RLF: variants seen among roughly 807,000 people sequenced by gnomAD.
RLF encodes the protein RLF zinc finger.
Under a neutral mutation model 162.9 loss-of-function variants are expected in RLF, and 7 were observed. The ratio of observed to expected loss-of-function variants is 0.04; its 90% CI spans 0.02 to 0.08. The LOEUF is 0.08. Among genes scored for constraint, RLF ranks in the 10% least tolerant of loss-of-function variants. The pLI is 1.00. For missense variants in RLF, 1,664 were observed against 2,244.7 expected, an observed-to-expected ratio of 0.74 and a Z score of 5.23; for synonymous variants, 782 against 791.5, an observed-to-expected ratio of 0.99 and a Z score of 0.20.
chr1:40,220,434 C>T (rs1375095229), intron 5 of RLF, among the ~76,000 whole-genome samples: 1 of 152,148 alleles, frequency 6.6e-6, no homozygotes, highest in Non-Finnish European at 1.5e-5. Flanking sequence ...ATGGCTTATT[C>T]CTACTCATTC....
intron 5 of RLF, among the ~76,000 whole-genome samples, chr1:40,218,254 C>T (rs185037360): frequency 2.0e-5 from 3 of 152,186 alleles, no homozygotes; most frequent in Non-Finnish European, 4.4e-5. Context: ...TCTAACTCCA[C>T]CTTCATATGG....
chr1:40,211,162 C>T (rs566606990), intron 5 of RLF, among the ~76,000 whole-genome samples: 3 of 152,180 alleles, frequency 2.0e-5, no homozygotes, highest in South Asian at 2.1e-4. Flanking sequence ...TGTCCTTGTA[C>T]GAAAAATATT....
rs184918148 is a variant in RLF at position 40,163,049 on chromosome 1, G to A, written c.237+1413G>A. On this transcript the variant is annotated intron_variant, in intron 1 of 7. Coordinates refer to ENST00000372771, the MANE Select transcript of RLF (RefSeq NM_012421.4). ...GGTTTTGGTAATGATGGAAAAGGAG[G>A]TGTTGTAGAGACAATGGTGAGGAGA... Among the ~76,000 whole-genome samples the A allele has an allele frequency of 2.0e-3, 311 of 152,300 alleles. 2 individuals carry two copies. The highest frequency in any genetic ancestry group is 7.2e-3 in the African/African-American group (299 of 41,558).
chr1:40,167,178 A>G (rs1328598305), intron 1 of RLF, among the ~76,000 whole-genome samples: 2 of 152,198 alleles, frequency 1.3e-5, no homozygotes, highest in East Asian at 1.9e-4. Context: ...ATTGAGGAAG[A>G]GTAGTCACCT....
chr1:40,167,266 T>C (rs1642180444), intron 1 of RLF, among the ~76,000 whole-genome samples: 1 of 152,230 alleles, frequency 6.6e-6, no homozygotes, highest in Non-Finnish European at 1.5e-5. Flanking sequence ...ATGAAGGCTC[T>C]TGAGCCTTAC....
At chr1:40,224,332 G>A (rs1458232220) in intron 6 of RLF, among the ~76,000 whole-genome samples, 6 of 137,726 alleles carry the variant, frequency 4.4e-5, no homozygotes, top group Non-Finnish European at 9.2e-5. Flanking sequence ...TTTTTGAGAC[G>A]AAGTCTTGCT....
chr1:40,176,043 T>G (rs1642321261), intron 1 of RLF, among the ~76,000 whole-genome samples: 1 of 152,186 alleles, frequency 6.6e-6, no homozygotes, highest in African/African-American at 2.4e-5. Flanking sequence ...TTGGTGTCTC[T>G]GTATAATTAT....
rs1440618194 is a variant in RLF, at chr1:40,161,950, CCT to C, written c.237+315_237+316del. Among the ~76,000 whole-genome samples, 1 of 152,188 alleles carries C rather than the reference CCT, an allele frequency of 6.6e-6. No individual in the cohort carries two copies. Among genetic ancestry groups the C allele is most frequent in the Non-Finnish European group, 1.5e-5 (1 of 68,040 alleles). On this transcript the variant is annotated intron_variant, in intron 1 of 7. Transcript: ENST00000372771. This position sits in a 1 kb window ranked among gnomAD's most constrained non-coding sequence, Gnocchi z 4.4. ...CCGGGTGGTTGGAGCGCCACTGCCC[CCT>C]GAGGGATTGATTGCTTGTCCCTGCC...
chr1:40,204,959 C>T (rs1239182234), intron 5 of RLF, among the ~76,000 whole-genome samples: 1 of 152,188 alleles, frequency 6.6e-6, no homozygotes, highest in Admixed American at 6.5e-5. Context: ...TACATCTTCT[C>T]TTCTGTTACT....
intron 5 of RLF, among the ~76,000 whole-genome samples, chr1:40,222,159 A>G (rs774864424): frequency 2.0e-5 from 3 of 152,084 alleles, no homozygotes; most frequent in Non-Finnish European, 4.4e-5. Context: ...CCCCACTGAT[A>G]TTGAGGATAA....
chr1:40,171,010 TTTTGTTTG>T (rs138268620), intron 1 of RLF, among the ~76,000 whole-genome samples: 28,294 of 151,306 alleles, frequency 0.19, 2,745 homozygotes, highest in Non-Finnish European at 0.21. Context: ...TTGATAGTGT[TTTTGTTTG>T]TTTGTTTGTT....
intron 7 of RLF, 111 bp downstream of exon 7, chr1:40,231,769 A>G (rs1002964700): frequency 2.0e-6 from 2 of 1,016,064 alleles, no homozygotes; most frequent in African/African-American, 1.6e-5. Context: ...ATGAGTTTTA[A>G]TAAGATTAAT....
intron 3 of RLF, among the ~76,000 whole-genome samples, chr1:40,191,144 C>T (rs755572929): frequency 3.3e-5 from 5 of 152,124 alleles, no homozygotes; most frequent in Admixed American, 6.5e-5. Context: ...TATAAAGTAA[C>T]AGTATTTGGA....
intron 1 of RLF, among the ~76,000 whole-genome samples, chr1:40,173,073 G>GTTTTT (rs765020752): frequency 7.8e-6 from 1 of 128,998 alleles, no homozygotes; most frequent in Non-Finnish European, 1.6e-5. Flanking sequence ...TAACATTCAG[G>GTTTTT]TTTTTTTTTT....
intron 1 of RLF, among the ~76,000 whole-genome samples, chr1:40,170,173 A>C (rs1642222627): frequency 6.6e-6 from 1 of 152,100 alleles, no homozygotes. Context: ...AGAGGTGAAG[A>C]GGTGATTGCC....
intron 4 of RLF, among the ~76,000 whole-genome samples, chr1:40,196,078 C>CTT (rs1048689494): frequency 2.1e-5 from 3 of 145,296 alleles, no homozygotes; most frequent in African/African-American, 5.0e-5. Flanking sequence ...CTTTTCTTTT[C>CTT]TTTTTTTTTT....
At chr1:40,181,122 C>T (rs1642399984) in intron 1 of RLF, among the ~76,000 whole-genome samples, 1 of 152,186 alleles carries the variant, frequency 6.6e-6, no homozygotes, top group South Asian at 2.1e-4. Flanking sequence ...GTTTTCCTAA[C>T]ATTGTTGAAT....
rs1262539853 is a variant in RLF, at chr1:40,235,986, G to C, written c.1284G>C (p.Met428Ile). The C allele has an allele frequency of 3.7e-6, 6 of 1,613,190 alleles. No homozygotes were observed. The highest frequency in any genetic ancestry group is 2.7e-5 in the African/African-American group (2 of 74,798). ...AACCCAGTTTGGATGGATTTAATAT[G>C]TTAGAAGAACTATATTTGCAACCAG... ...LIEPSLDGFNMLEELYLQPDQ... is the reference protein window; with the variant it reads ...LIEPSLDGFNILEELYLQPDQ... Residue 428 changes from methionine (M) to isoleucine (I), a missense_variant, in exon 8 of 8, where the codon ATG (methionine) becomes ATC (isoleucine). Transcript: ENST00000372771.
chr1:40,199,406 T>C (rs1413524264), intron 4 of RLF, among the ~76,000 whole-genome samples: 4 of 152,232 alleles, frequency 2.6e-5, no homozygotes, highest in Non-Finnish European at 5.9e-5. Flanking sequence ...GTGAGTCTTA[T>C]CTGCATTTCT....
Sources: allele counts gnomAD v4.1 joint callset (sites outside exome capture counted in the v4.1 genomes callset), GRCh38; gene constraint gnomAD v4.1.1; non-coding constraint Gnocchi (gnomAD v3.1); transcripts MANE v1.5; gene names NCBI Gene and HGNC (gene_info 2026-07-23, HGNC 2026-07-21).